EFHD1: variants seen among roughly 807,000 people sequenced by gnomAD.
EFHD1 encodes EF-hand domain-containing protein D1.
In EFHD1, 10 loss-of-function variants were observed where a neutral mutation model predicts 17.2. The observed-to-expected ratio is 0.58, with a 90% CI of 0.36 to 0.99. EFHD1 has a LOEUF of 0.99. Ranked by LOEUF, EFHD1 falls within the 50% of genes least tolerant of loss-of-function variation. The pLI is 0.01. For synonymous variants in EFHD1, 153 were observed against 142.0 expected, an observed-to-expected ratio of 1.08 and a Z score of -0.55; for missense variants, 310 against 327.5, an observed-to-expected ratio of 0.95 and a Z score of 0.41.
At chr2:232,606,606 G>T (rs1213462624) in intron 1 of EFHD1, 1 of 204,974 alleles carries the variant, frequency 4.9e-6, no homozygotes, top group Admixed American at 5.2e-5. Context: ...GTTGGGGTGC[G>T]ACCGGGCGCG....
chr2:232,633,518 C>T (rs1421286632), upstream of EFHD1: 32 of 1,274,422 alleles, frequency 2.5e-5, 1 homozygote, highest in African/African-American at 3.1e-5. Context: ...CCTGGCGCCT[C>T]CTTAAAGCCG....
intron 1 of EFHD1, chr2:232,638,288 A>G (rs1559344246): frequency 2.1e-6 from 1 of 467,560 alleles, no homozygotes. Flanking sequence ...CCCCAATGCA[A>G]CATCTTAAAA....
chr2:232,639,089 G>A (rs1694375210), intron 1 of EFHD1, among the ~76,000 whole-genome samples: 1 of 152,106 alleles, frequency 6.6e-6, no homozygotes, highest in African/African-American at 2.4e-5. Context: ...CACAGTTGCT[G>A]GTGGGTTTAT....
intron 1 of EFHD1, among the ~76,000 whole-genome samples, chr2:232,662,291 G>C (rs1264033791): frequency 2.0e-5 from 3 of 151,906 alleles, no homozygotes; most frequent in Admixed American, 2.0e-4. Flanking sequence ...TCATGATTCC[G>C]CACACAGGGG....
chr2:232,650,295 T>C (rs946202030), intron 1 of EFHD1, among the ~76,000 whole-genome samples: 1 of 149,968 alleles, frequency 6.7e-6, no homozygotes, highest in Non-Finnish European at 1.5e-5. Context: ...GGTTGCCTTT[T>C]TTTTTTTTTT....
Position 232,681,824 on chromosome 2 carries a change from A to T in EFHD1, c.*105A>T, listed in dbSNP as rs998238864. 6.8e-7 allele frequency: 1 copy of T among 1,462,696 alleles called. No homozygotes were observed. The highest frequency in any genetic ancestry group is 1.4e-5 in the African/African-American group (1 of 70,780). 90.6% of individuals were successfully genotyped at this position (1,462,696 alleles called of 1,614,324 possible). ...CTGTCGGTCCCCTCCCTGAGCCAGC[A>T]TCTCCATCCACCACCCCGTGCCAGC... On this transcript the variant is annotated 3_prime_UTR_variant, in exon 4 of 4. Transcript: ENST00000264059.
At chr2:232,607,784 AT>A (rs36119913) in intron 1 of EFHD1, among the ~76,000 whole-genome samples, 77,738 of 146,912 alleles carry the variant, frequency 0.53, 21,285 homozygotes, top group African/African-American at 0.68. Context: ...ACAGGCTAAA[AT>A]TTTTTTTTTT....
At chr2:232,619,312 CTTTT>C (rs113872019) in intron 1 of EFHD1, among the ~76,000 whole-genome samples, 18 of 38,100 alleles carry the variant, frequency 4.7e-4, no homozygotes, top group Non-Finnish European at 1.0e-3. Flanking sequence ...TTCTTTCTTT[CTTTT>C]TTTTTTTTTT....
At chr2:232,653,505 G>A (rs756264954) in intron 1 of EFHD1, among the ~76,000 whole-genome samples, 1 of 152,100 alleles carries the variant, frequency 6.6e-6, no homozygotes, top group Non-Finnish European at 1.5e-5. Flanking sequence ...TGGCCAGGTG[G>A]TCTTCAACTC....
chr2:232,656,097 T>C (rs2106207426), intron 1 of EFHD1, among the ~76,000 whole-genome samples: 1 of 152,080 alleles, frequency 6.6e-6, no homozygotes, highest in South Asian at 2.1e-4. Context: ...TGAGCCACCG[T>C]GCCCGGCCTG....
intron 1 of EFHD1, among the ~76,000 whole-genome samples, chr2:232,606,355 C>T (rs1291256043): frequency 1.3e-5 from 2 of 152,216 alleles, no homozygotes; most frequent in Admixed American, 1.3e-4. Context: ...GCTTTTAAGC[C>T]TTCTCCGCGC....
chr2:232,634,674 G>T (rs1326260735), intron 1 of EFHD1, among the ~76,000 whole-genome samples: 3 of 152,118 alleles, frequency 2.0e-5, no homozygotes, highest in Non-Finnish European at 4.4e-5. Flanking sequence ...TGCGCGGGGA[G>T]CCGCTCACCT....
intron 1 of EFHD1, among the ~76,000 whole-genome samples, chr2:232,651,554 T>G (rs1694654280): frequency 6.6e-6 from 1 of 152,234 alleles, no homozygotes; most frequent in South Asian, 2.1e-4. Flanking sequence ...CCTGGGAGGC[T>G]GAGCCCCTCA....
intron 1 of EFHD1, among the ~76,000 whole-genome samples, chr2:232,620,077 A>ATT (rs549015358): frequency 4.9e-5 from 7 of 141,790 alleles, no homozygotes; most frequent in African/African-American, 1.3e-4. Context: ...TAATGATGTC[A>ATT]TTTTTTTTTT....
intron 1 of EFHD1, among the ~76,000 whole-genome samples, chr2:232,645,963 G>A (rs550941975): frequency 3.9e-5 from 6 of 152,198 alleles, no homozygotes; most frequent in South Asian, 4.2e-4. Flanking sequence ...AGCCATCCTC[G>A]ACACCATCCC....
chr2:232,638,808 A>G (rs981947318), intron 1 of EFHD1, among the ~76,000 whole-genome samples: 3 of 152,246 alleles, frequency 2.0e-5, no homozygotes, highest in Non-Finnish European at 4.4e-5. Context: ...CTATAGCTTC[A>G]GTCAACAGTG....
chr2:232,665,362 A>T (rs1483199057), intron 2 of EFHD1, among the ~76,000 whole-genome samples: 1 of 152,026 alleles, frequency 6.6e-6, no homozygotes, highest in African/African-American at 2.4e-5. Flanking sequence ...CATGTGTTAG[A>T]TGTGTCTTTA....
At chr2:232,660,304 C>T (rs1394973155) in intron 1 of EFHD1, among the ~76,000 whole-genome samples, 1 of 152,050 alleles carries the variant, frequency 6.6e-6, no homozygotes, top group Non-Finnish European at 1.5e-5. Context: ...ATGCCATTCT[C>T]CTGCCTCAGC....
At chr2:232,634,843 C>T (rs1454058007) in intron 1 of EFHD1, among the ~76,000 whole-genome samples, 1 of 152,260 alleles carries the variant, frequency 6.6e-6, no homozygotes, top group Non-Finnish European at 1.5e-5. Flanking sequence ...AAGCTCTTAA[C>T]CGAGCTATTA....
Sources: allele counts gnomAD v4.1 joint callset (sites outside exome capture counted in the v4.1 genomes callset), GRCh38; gene constraint gnomAD v4.1.1; transcripts MANE v1.5; gene names NCBI Gene and HGNC (gene_info 2026-07-23, HGNC 2026-07-21).